The following ASAP1 variants were observed in gnomAD, a reference collection of about 807,000 sequenced individuals.
The protein encoded by ASAP1 is arf-GAP with SH3 domain, ANK repeat and PH domain-containing protein 1.
In ASAP1, 43 loss-of-function variants were observed where a neutral mutation model predicts 145.2. That is an observed-to-expected ratio of 0.30 (90% CI 0.23 to 0.38). The LOEUF is 0.38. ASAP1 is among the 10% of genes least tolerant of loss of function. The pLI, the probability that ASAP1 is intolerant of heterozygous loss-of-function variation, is 1.00. For synonymous variants in ASAP1, 546 were observed against 515.5 expected (o/e 1.06, Z -0.80); for missense variants, 1,018 against 1,355.3 (o/e 0.75, Z 3.91).
intron 24 of ASAP1, among the ~76,000 whole-genome samples, chr8:130,092,974 T>C (rs1208349024): frequency 2.0e-5 from 3 of 146,862 alleles, no homozygotes. Flanking sequence ...CTTTTCTAAA[T>C]AATGAAGAAA....
At chr8:130,072,832 G>GGGT (rs2097452357) in intron 27 of ASAP1, among the ~76,000 whole-genome samples, 1 of 11,734 alleles carries the variant, frequency 8.5e-5, no homozygotes, top group African/African-American at 4.0e-4. Flanking sequence ...TGTGCGCGCG[G>GGGT]GGGGGGGCAG....
At chr8:130,149,091 G>A (rs948018013) in intron 13 of ASAP1, among the ~76,000 whole-genome samples, 1 of 144,814 alleles carries the variant, frequency 6.9e-6, no homozygotes, top group Non-Finnish European at 1.5e-5. Flanking sequence ...CAAGTGATCT[G>A]CCTGTCTCAG....
chr8:130,411,380 A>G (rs1829258043), intron 1 of ASAP1, among the ~76,000 whole-genome samples: 1 of 152,226 alleles, frequency 6.6e-6, no homozygotes, highest in Admixed American at 6.5e-5. Context: ...ATGAGTGGAA[A>G]TCAGGAAACA....
intron 16 of ASAP1, 84 bp from the exon 17 acceptor site, chr8:130,126,173 T>G: frequency 3.1e-6 from 4 of 1,274,648 alleles, no homozygotes; most frequent in Non-Finnish European, 4.3e-6. Flanking sequence ...AAAACAGTAG[T>G]ACAAATTGTT....
rs138513116 is a variant in ASAP1, at chr8:130,244,477, G to T, written c.187-7483C>A. On this transcript the variant is annotated intron_variant, in intron 3 of 29. Transcript: ENST00000518721. ...CCAAAGCAGCTCTATCTCCTCATCT[G>T]AAAGGGTAAGTGGAGTGGCCACAAA... 1.8e-4 allele frequency among the ~76,000 whole-genome samples: 28 copies of T among 152,268 alleles called. 1 individual carries two copies. The East Asian group carries it at 5.4e-3, about 29-fold the overall frequency.
intron 3 of ASAP1, among the ~76,000 whole-genome samples, chr8:130,270,202 A>G (rs1396295156): frequency 6.6e-6 from 1 of 152,154 alleles, no homozygotes; most frequent in East Asian, 1.9e-4. Context: ...AATCAAATAA[A>G]AAGTTATCAA....
At chr8:130,137,500 C>T (rs1042978359) in intron 13 of ASAP1, among the ~76,000 whole-genome samples, 2 of 152,202 alleles carry the variant, frequency 1.3e-5, no homozygotes, top group South Asian at 4.1e-4. Context: ...CTGTATCTTA[C>T]TATGAAATGT....
intron 24 of ASAP1, among the ~76,000 whole-genome samples, chr8:130,096,868 G>A (rs911293987): frequency 1.3e-5 from 2 of 152,032 alleles, no homozygotes; most frequent in Non-Finnish European, 2.9e-5. Flanking sequence ...GCTCACATCT[G>A]TAATCCCAGC....
intron 5 of ASAP1, among the ~76,000 whole-genome samples, chr8:130,198,564 G>A (rs1410510146): frequency 6.6e-6 from 1 of 152,172 alleles, no homozygotes; most frequent in Non-Finnish European, 1.5e-5. Flanking sequence ...AGGCAGAACA[G>A]CATGAATTTT....
At chr8:130,282,641 T>C (rs771912467) in intron 3 of ASAP1, among the ~76,000 whole-genome samples, 1 of 152,170 alleles carries the variant, frequency 6.6e-6, no homozygotes, top group Non-Finnish European at 1.5e-5. Flanking sequence ...AGCCACAATA[T>C]CAAAACCAAT....
At chr8:130,191,221 T>G (rs1196805881) in intron 5 of ASAP1, among the ~76,000 whole-genome samples, 1 of 151,352 alleles carries the variant, frequency 6.6e-6, no homozygotes, top group East Asian at 1.9e-4. Context: ...GTGAAAGGAG[T>G]AACCAAAACA....
intron 5 of ASAP1, among the ~76,000 whole-genome samples, chr8:130,199,867 A>C (rs1210695074): frequency 6.6e-6 from 1 of 152,260 alleles, no homozygotes; most frequent in African/African-American, 2.4e-5. Flanking sequence ...TTCTGTGGTA[A>C]AGCCGGAGAG....
At chr8:130,107,088 T>C (rs1178424548) in intron 24 of ASAP1, among the ~76,000 whole-genome samples, 3 of 152,038 alleles carry the variant, frequency 2.0e-5, no homozygotes, top group Non-Finnish European at 4.4e-5. Context: ...TTGAAGACTC[T>C]GAAAATCAGC....
At chr8:130,241,240 T>C (rs1818510276) in intron 3 of ASAP1, among the ~76,000 whole-genome samples, 1 of 152,074 alleles carries the variant, frequency 6.6e-6, no homozygotes, top group South Asian at 2.1e-4. Flanking sequence ...AAAAGCCTTC[T>C]AAGGATACCC....
At chr8:130,231,806 T>A (rs1465351768) in intron 4 of ASAP1, among the ~76,000 whole-genome samples, 1 of 152,226 alleles carries the variant, frequency 6.6e-6, no homozygotes, top group Non-Finnish European at 1.5e-5. Context: ...CTGTGTTTTT[T>A]AAACAATACT....
intron 3 of ASAP1, among the ~76,000 whole-genome samples, chr8:130,338,026 G>A (rs1825143095): frequency 6.6e-6 from 1 of 152,128 alleles, no homozygotes; most frequent in Non-Finnish European, 1.5e-5. Context: ...ATTTTACAGA[G>A]GAAGAACAGG....
intron 3 of ASAP1, among the ~76,000 whole-genome samples, chr8:130,250,238 A>C (rs1034892080): frequency 1.3e-5 from 2 of 152,136 alleles, no homozygotes; most frequent in Non-Finnish European, 2.9e-5. Flanking sequence ...CATCAATCTA[A>C]GAAGACATGC....
chr8:130,072,824 TGCGC>T (rs71303498), intron 27 of ASAP1, among the ~76,000 whole-genome samples: 1 of 32,282 alleles, frequency 3.1e-5, no homozygotes, highest in African/African-American at 1.2e-4. Flanking sequence ...TGTGTGTGTG[TGCGC>T]GCGGGGGGGG....
chr8:130,134,540 T>C (rs1267049244), intron 14 of ASAP1, among the ~76,000 whole-genome samples, 196 bp from the exon 15 acceptor site: 1 of 152,198 alleles, frequency 6.6e-6, no homozygotes, highest in African/African-American at 2.4e-5. Flanking sequence ...GTTTCTCATA[T>C]TTTTACAGAA....
Sources: gnomAD v4.1 joint callset for allele counts (sites outside exome capture counted in the v4.1 genomes callset) on GRCh38, gnomAD v4.1.1 for gene constraint, MANE v1.5 for transcripts, NCBI Gene and HGNC (gene_info 2026-07-23, HGNC 2026-07-21) for gene names.